DARS2: variants seen among roughly 807,000 people sequenced by gnomAD.
DARS2 encodes aspartyl-tRNA synthetase 2, mitochondrial.
In DARS2, 63 loss-of-function variants were observed where a neutral mutation model predicts 83.0. The ratio of observed to expected loss-of-function variants is 0.76; its 90% CI spans 0.62 to 0.94. The LOEUF (loss-of-function observed/expected upper bound fraction) is 0.94. Ranked by LOEUF, DARS2 falls within the 40% of genes least tolerant of loss-of-function variation. The pLI is 0.00. For synonymous variants in DARS2, 250 were observed against 269.3 expected (o/e 0.93, Z 0.70); for missense variants, 675 against 774.4 (o/e 0.87, Z 1.52).
intron 7 of DARS2, among the ~76,000 whole-genome samples, chr1:173,836,525 A>G (rs1465659317): frequency 6.6e-6 from 1 of 151,960 alleles, no homozygotes; most frequent in African/African-American, 2.4e-5. Context: ...CCTGGGTGAC[A>G]AGAGCAAGAT....
chr1:173,850,241 G>T, intron 12 of DARS2, 86 bp from the exon 13 acceptor site: 1 of 1,402,970 alleles, frequency 7.1e-7, no homozygotes, highest in Non-Finnish European at 9.6e-7. Flanking sequence ...ATTGGGAACC[G>T]GAAATCTTTG....
intron 12 of DARS2, 130 bp downstream of exon 12, chr1:173,845,421 CTTTTT>C: frequency 1.7e-6 from 1 of 587,906 alleles, no homozygotes. Context: ...CTTTTATTTA[CTTTTT>C]ATTTTATTTA....
At position 173,836,506 on chromosome 1, in the gene DARS2, G is replaced by A. The variant is rs180751391; in HGVS notation, c.664-434G>A. On this transcript the variant is annotated intron_variant, in intron 7 of 16. Transcript: ENST00000649689. The stretch of plus-strand genomic sequence containing the variant: ...TGCAGTGAGCCGAGATTGTGCCATC[G>A]CACTCCAGCCTGGGTGACAAGAGCA... 1.5e-3 allele frequency among the ~76,000 whole-genome samples: 221 copies of A among 150,896 alleles called. 1 individual carries two copies. Among genetic ancestry groups the A allele is most frequent in the Admixed American group, 0.013 (193 of 15,184 alleles).
chr1:173,855,703 A>C (rs1264727213), intron 15 of DARS2, among the ~76,000 whole-genome samples: 1 of 151,500 alleles, frequency 6.6e-6, no homozygotes, highest in Non-Finnish European at 1.5e-5. Flanking sequence ...CCCAGACTGG[A>C]GTGCAGTGGC....
chr1:173,835,249 C>CT (rs1441469021), intron 7 of DARS2, among the ~76,000 whole-genome samples: 1 of 151,714 alleles, frequency 6.6e-6, no homozygotes, highest in Non-Finnish European at 1.5e-5. Context: ...ACCACCACAC[C>CT]TGGCTAATTT....
chr1:173,848,361 G>T (rs1450958742), intron 12 of DARS2, among the ~76,000 whole-genome samples: 13 of 152,176 alleles, frequency 8.5e-5, no homozygotes, highest in Non-Finnish European at 1.8e-4. Flanking sequence ...TGAATTGACA[G>T]CCATATCATC....
intron 5 of DARS2, among the ~76,000 whole-genome samples, chr1:173,832,511 C>T (rs906324997): frequency 1.3e-5 from 2 of 152,276 alleles, no homozygotes; most frequent in Non-Finnish European, 1.5e-5. Flanking sequence ...TGGCTCACAC[C>T]TGTAATCCCA....
intron 7 of DARS2, 56 bp from the exon 8 acceptor site, chr1:173,836,884 G>A: frequency 2.1e-6 from 3 of 1,424,682 alleles, no homozygotes; most frequent in South Asian, 2.3e-5. Flanking sequence ...TTATACTTTG[G>A]GTTTGTTTTT....
At chr1:173,851,805 A>T (rs1439992457) in intron 13 of DARS2, 1 of 983,556 alleles carries the variant, frequency 1.0e-6, no homozygotes, top group African/African-American at 1.7e-5. Context: ...CTTCTAATCT[A>T]TATTTTCATT....
rs201817953 is a variant in DARS2, at chr1:173,828,323, C to G, written c.228-10C>G. 183 of 1,355,038 alleles carry G rather than the reference C, an allele frequency of 1.4e-4. 5 individuals are homozygous for G. The highest frequency in any genetic ancestry group is 1.8e-4 in the Non-Finnish European group (174 of 972,262). The allele number at this position is 1,355,038 out of a possible 1,614,324, so 83.9% of individuals were successfully genotyped here. ...TTAAAATGTTTCTTTTCCCCCCCCC[C>G]ATTAATCAGGCAAAACACATTCTTG... On this transcript the variant is annotated splice_polypyrimidine_tract_variant and intron_variant, in intron 2 of 16. Transcript: ENST00000649689.
chr1:173,836,087 G>A (rs966073924), intron 7 of DARS2, among the ~76,000 whole-genome samples: 2 of 151,862 alleles, frequency 1.3e-5, no homozygotes, highest in African/African-American at 2.4e-5. Context: ...AGGTGCAGTG[G>A]CGGGAACCCA....
In DARS2 at chr1:173,825,072, C is replaced by A; in HGVS notation, c.-158C>A. The A allele has an allele frequency of 1.9e-6, 2 of 1,037,292 alleles. No individual in the cohort carries two copies. Among genetic ancestry groups the A allele is most frequent in the Admixed American group, 1.9e-5 (1 of 52,448 alleles). 64.3% of individuals were successfully genotyped at this position (1,037,292 alleles called of 1,614,324 possible). ...TGGAGATTTGTCTTGTTTCTAGACA[C>A]GTGTACTCCAATGTTGTGCGGAGGA... On this transcript the variant is annotated 5_prime_UTR_variant, in exon 1 of 17. Coordinates refer to ENST00000649689, the MANE Select transcript of DARS2 (RefSeq NM_018122.5).
At chr1:173,856,586 C>A in intron 15 of DARS2, 80 bp from the exon 16 acceptor site, 1 of 1,270,946 alleles carries the variant, frequency 7.9e-7, no homozygotes, top group Non-Finnish European at 1.1e-6. Flanking sequence ...CTTTGTTTCC[C>A]CTTTATCATC....
chr1:173,842,720 T>A (rs954045542), intron 11 of DARS2, among the ~76,000 whole-genome samples: 5 of 151,310 alleles, frequency 3.3e-5, no homozygotes, highest in African/African-American at 1.2e-4. Flanking sequence ...GGTGGATTAC[T>A]TGCGGTCAGG....
At chr1:173,847,844 C>CTTTTTTTTTTT (rs1160841148) in intron 12 of DARS2, among the ~76,000 whole-genome samples, 2 of 78,616 alleles carry the variant, frequency 2.5e-5, no homozygotes, top group Non-Finnish European at 4.4e-5. Flanking sequence ...CTTTCTGAAC[C>CTTTTTTTTTTT]TTTTTTTTTT....
intron 10 of DARS2, among the ~76,000 whole-genome samples, chr1:173,840,643 C>T (rs946497848): frequency 1.3e-5 from 2 of 152,112 alleles, no homozygotes; most frequent in Admixed American, 6.5e-5. Context: ...TTGGTTTCAT[C>T]TATGAAATAG....
chr1:173,850,272 ATCCC>A (rs1653599752), intron 12 of DARS2, 51 bp from the exon 13 acceptor site: 3 of 1,505,364 alleles, frequency 2.0e-6, no homozygotes, highest in South Asian at 1.3e-5. Flanking sequence ...AGATAAATTA[ATCCC>A]ACTGTTCAAA....
chr1:173,838,927 G>A (rs1207442019), intron 9 of DARS2, among the ~76,000 whole-genome samples: 1 of 152,016 alleles, frequency 6.6e-6, no homozygotes, highest in Non-Finnish European at 1.5e-5. Flanking sequence ...ATTAGAGATG[G>A]GGTTTGACCA....
chr1:173,825,053 TTTGTC>T lies in DARS2; in HGVS notation c.-172_-168del, dbSNP rs1455463476. On this transcript the variant is annotated 5_prime_UTR_variant, in exon 1 of 17. Coordinates refer to ENST00000649689, the MANE Select transcript of DARS2 (RefSeq NM_018122.5). ...GCAAGCACCCCAGAGACCTTGGAGA[TTTGTC>T]TTGTTTCTAGACACGTGTACTCCAA... The T allele has an allele frequency of 1.3e-5, 11 of 833,826 alleles. No homozygotes were observed. In the South Asian group the frequency reaches 1.7e-4, roughly 13 times the overall value. The allele number at this position is 833,826 out of a possible 1,614,324, so 51.7% of individuals were successfully genotyped here. A position where few individuals can be genotyped will look rare whatever the true frequency, so the allele number is the denominator to read the frequency against.
Sources: allele counts gnomAD v4.1 joint callset (sites outside exome capture counted in the v4.1 genomes callset), GRCh38; gene constraint gnomAD v4.1.1; transcripts MANE v1.5; gene names NCBI Gene and HGNC (gene_info 2026-07-23, HGNC 2026-07-21).